Variants in GABRG3 observed in about 807,000 individuals in gnomAD.
GABRG3 encodes the protein gamma-aminobutyric acid type A receptor subunit gamma3.
In GABRG3, 25 loss-of-function variants were observed where a neutral mutation model predicts 48.8. The ratio of observed to expected loss-of-function variants is 0.51; its 90% CI spans 0.37 to 0.72. The LOEUF is 0.72. GABRG3 is among the 30% of genes least tolerant of loss of function. The pLI is 0.00. For synonymous variants in GABRG3, 227 were observed against 217.6 expected, an observed-to-expected ratio of 1.04 and a Z score of -0.38; for missense variants, 394 against 577.9, an observed-to-expected ratio of 0.68 and a Z score of 3.26.
At chr15:27,300,678 CAAAAAA>C (rs10600874) in intron 3 of GABRG3, among the ~76,000 whole-genome samples, 2 of 101,276 alleles carry the variant, frequency 2.0e-5, no homozygotes, top group Non-Finnish European at 3.9e-5. Context: ...AATAAATAAG[CAAAAAA>C]AAAAAAAAAA....
chr15:27,308,767 C>T (rs900900770), intron 3 of GABRG3, among the ~76,000 whole-genome samples: 29 of 149,188 alleles, frequency 1.9e-4, no homozygotes, highest in Non-Finnish European at 3.7e-4. Flanking sequence ...TGTAAACATA[C>T]GTTTATATAT....
intron 3 of GABRG3, among the ~76,000 whole-genome samples, chr15:27,306,652 ATATATGAACATG>A (rs1892493194): frequency 1.7e-5 from 1 of 59,064 alleles, no homozygotes; most frequent in Non-Finnish European, 3.7e-5. Context: ...ATATAAACAT[ATATATGAACATG>A]TTTATATATA....
intron 3 of GABRG3, among the ~76,000 whole-genome samples, chr15:27,259,378 C>G (rs1258642471): frequency 6.6e-6 from 1 of 152,168 alleles, no homozygotes; most frequent in African/African-American, 2.4e-5. Flanking sequence ...CCTTCTCTGT[C>G]TTGGGGATGT....
intron 5 of GABRG3, among the ~76,000 whole-genome samples, chr15:27,361,538 G>A (rs1895023904): frequency 6.6e-6 from 1 of 152,174 alleles, no homozygotes. Context: ...AACCACCAGA[G>A]GAGTAAGATG....
intron 3 of GABRG3, among the ~76,000 whole-genome samples, chr15:27,106,451 AAAAG>A (rs1166927785): frequency 1.3e-5 from 2 of 151,982 alleles, no homozygotes; most frequent in Non-Finnish European, 2.9e-5. Flanking sequence ...AGAAAGGAAA[AAAAG>A]AAGGAATGAA....
chr15:27,099,414 CTG>C (rs1897318836), intron 3 of GABRG3, among the ~76,000 whole-genome samples: 1 of 152,172 alleles, frequency 6.6e-6, no homozygotes, highest in South Asian at 2.1e-4. Context: ...TGTTGTCTTC[CTG>C]TGTCTTCGCA....
chr15:27,219,261 C>T (rs1004673317), intron 3 of GABRG3, among the ~76,000 whole-genome samples: 1 of 152,192 alleles, frequency 6.6e-6, no homozygotes, highest in African/African-American at 2.4e-5. Context: ...GTGCTCTTGG[C>T]CTCAGGGCGG....
chr15:26,988,998 A>G (rs1895200166), intron 2 of GABRG3, among the ~76,000 whole-genome samples: 1 of 152,178 alleles, frequency 6.6e-6, no homozygotes. Flanking sequence ...TTGTGCAGCC[A>G]TAATTTAGGT....
chr15:27,409,573 A>G (rs1229844279), intron 5 of GABRG3, among the ~76,000 whole-genome samples: 1 of 152,172 alleles, frequency 6.6e-6, no homozygotes, highest in African/African-American at 2.4e-5. Context: ...AGCTAGTCAA[A>G]TTCCTCTACC....
At chr15:27,383,902 C>T (rs1050948401) in intron 5 of GABRG3, among the ~76,000 whole-genome samples, 5 of 152,092 alleles carry the variant, frequency 3.3e-5, no homozygotes, top group African/African-American at 1.2e-4. Flanking sequence ...TTCATAATGT[C>T]ACAAAGCAGA....
At chr15:27,242,121 A>T (rs899427910) in intron 3 of GABRG3, among the ~76,000 whole-genome samples, 1 of 152,178 alleles carries the variant, frequency 6.6e-6, no homozygotes, top group African/African-American at 2.4e-5. Context: ...CAACTGCTGC[A>T]CCAGCATTTC....
intron 5 of GABRG3, among the ~76,000 whole-genome samples, chr15:27,410,662 G>A (rs1046964996): frequency 5.3e-5 from 8 of 152,026 alleles, no homozygotes; most frequent in East Asian, 3.9e-4. Context: ...AGTATTTCCC[G>A]TAGAGAAGGC....
At chr15:27,307,874 T>TTTATAA (rs1491192641) in intron 3 of GABRG3, among the ~76,000 whole-genome samples, 56 of 31,664 alleles carry the variant, frequency 1.8e-3, no homozygotes, top group African/African-American at 8.6e-3. Flanking sequence ...TATATAAATG[T>TTTATAA]ATATGTTTAT....
intron 3 of GABRG3, among the ~76,000 whole-genome samples, chr15:27,096,301 A>G (rs1427086145): frequency 6.6e-6 from 1 of 152,234 alleles, no homozygotes; most frequent in East Asian, 1.9e-4. Context: ...GCCCTTCAGG[A>G]GCATCTAGTG....
At chr15:27,358,263 C>T (rs927678344) in intron 5 of GABRG3, among the ~76,000 whole-genome samples, 4 of 152,150 alleles carry the variant, frequency 2.6e-5, no homozygotes, top group Non-Finnish European at 5.9e-5. Flanking sequence ...GTTTGTTGCT[C>T]TTACGAGTGA....
chr15:27,110,736 A>G (rs1897534892), intron 3 of GABRG3, among the ~76,000 whole-genome samples: 1 of 152,104 alleles, frequency 6.6e-6, no homozygotes, highest in Non-Finnish European at 1.5e-5. Context: ...TTCTGATGAG[A>G]CATCCACTGT....
chr15:27,331,343 T>A (rs1189257724), intron 5 of GABRG3, among the ~76,000 whole-genome samples: 1 of 152,146 alleles, frequency 6.6e-6, no homozygotes, highest in African/African-American at 2.4e-5. Context: ...GCAACCAAGA[T>A]GTCCTTTGGT....
chr15:27,313,266 A>G (rs62001306), intron 3 of GABRG3, among the ~76,000 whole-genome samples: 2,914 of 13,166 alleles, frequency 0.22, 48 homozygotes, highest in Non-Finnish European at 0.28. Context: ...GTGTGTGTAT[A>G]TATATATATA....
At chr15:27,164,349 C>T (rs1296840467) in intron 3 of GABRG3, among the ~76,000 whole-genome samples, 4 of 152,152 alleles carry the variant, frequency 2.6e-5, no homozygotes, top group African/African-American at 7.2e-5. Flanking sequence ...ACTCACAATA[C>T]GGTAAATCAA....
Sources: gnomAD v4.1 joint callset for allele counts (sites outside exome capture counted in the v4.1 genomes callset) on GRCh38, gnomAD v4.1.1 for gene constraint, MANE v1.5 for transcripts, NCBI Gene and HGNC (gene_info 2026-07-23, HGNC 2026-07-21) for gene names.